The following PLEKHA4 variants were observed in gnomAD, a reference collection of about 807,000 sequenced individuals.
PLEKHA4 encodes the protein pleckstrin homology domain containing A4.
A neutral mutation model predicts 94.7 loss-of-function variants in PLEKHA4; 73 were observed. That is an observed-to-expected ratio of 0.77 (90% CI 0.64 to 0.94). The LOEUF (loss-of-function observed/expected upper bound fraction) is 0.94. PLEKHA4 is among the 40% of genes least tolerant of loss of function. The probability of loss-of-function intolerance (pLI) is 0.00; values close to 1 mark genes in which losing one functional copy is unlikely to be tolerated. For synonymous variants in PLEKHA4, 449 were observed against 437.1 expected (o/e 1.03, Z -0.34); for missense variants, 1,049 against 1,054.1 (o/e 1.00, Z 0.07).
Position 48,867,607 on chromosome 19 carries a change from C to G in PLEKHA4, c.14G>C (p.Arg5Pro), listed in dbSNP as rs369635881. ...GGCCAGGCTCAGGCTGCTGCGAGGT[C>G]GGCTCCCCTCCATCAAGGGCTGGGG... MEGS[R>P]PRSSLSLASS... Residue 5 changes from arginine (R) to proline (P), a missense_variant, in exon 2 of 20, where the codon CGA becomes CCA. Coordinates refer to ENST00000263265, the MANE Select transcript of PLEKHA4 (RefSeq NM_020904.3). The surrounding 1 kb of genome is among the most constrained non-coding windows in gnomAD (Gnocchi z 4.7). 86 of 1,596,814 alleles carry G rather than the reference C, an allele frequency of 5.4e-5. No individual in the cohort carries two copies. Among genetic ancestry groups the G allele is most frequent in the Non-Finnish European group, 7.2e-5 (84 of 1,173,836 alleles).
chr19:48,844,631 C>A (rs2035896389), intron 16 of PLEKHA4: 1 of 985,042 alleles, frequency 1.0e-6, no homozygotes, highest in Non-Finnish European at 1.2e-6. Flanking sequence ...GAAAATCAGC[C>A]AATCATTGAT....
intron 6 of PLEKHA4, chr19:48,860,099 G>A (rs2036576875): frequency 5.1e-6 from 3 of 582,768 alleles, no homozygotes; most frequent in Non-Finnish European, 9.1e-6. Context: ...CATTCCTGGA[G>A]CAGAGCTGAG....
At chr19:48,848,574 C>T (rs1265193056) in intron 13 of PLEKHA4, among the ~76,000 whole-genome samples, 1 of 151,290 alleles carries the variant, frequency 6.6e-6, no homozygotes, top group Non-Finnish European at 1.5e-5. Flanking sequence ...GGGTGGATCA[C>T]CAGAGGTCAG....
chr19:48,852,434 G>A, intron 12 of PLEKHA4, 108 bp from the exon 13 acceptor site: 1 of 810,612 alleles, frequency 1.2e-6, no homozygotes, highest in Non-Finnish European at 2.1e-6. Context: ...TTGGTCCCTG[G>A]AGCCCTGCAG....
intron 16 of PLEKHA4, among the ~76,000 whole-genome samples, chr19:48,843,715 T>G (rs1209953057): frequency 6.6e-6 from 1 of 151,788 alleles, no homozygotes; most frequent in Non-Finnish European, 1.5e-5. Context: ...TGGAGTGCAG[T>G]GGCGCAGTAT....
At chr19:48,864,493 T>C (rs2036760659) in intron 3 of PLEKHA4, among the ~76,000 whole-genome samples, 1 of 152,060 alleles carries the variant, frequency 6.6e-6, no homozygotes, top group African/African-American at 2.4e-5. Flanking sequence ...TCAGAGATAA[T>C]TTTCCCTGAC....
intron 16 of PLEKHA4, among the ~76,000 whole-genome samples, chr19:48,843,034 A>C (rs1428956069): frequency 2.0e-5 from 3 of 152,184 alleles, no homozygotes; most frequent in African/African-American, 7.2e-5. Flanking sequence ...TGTTCCCAGC[A>C]GGCTCCAATC....
rs1010432883 is a variant in PLEKHA4, at chr19:48,865,379, G to A, written c.192+124C>T. 2.0e-5 allele frequency: 13 copies of A among 638,782 alleles called. No homozygotes were observed. The African/African-American group carries it at 2.0e-4, about 10-fold the overall frequency. The allele number at this position is 638,782 out of a possible 1,614,324, so 39.6% of individuals were successfully genotyped here. On this transcript the variant is annotated intron_variant, in intron 3 of 19. Transcript: ENST00000263265. ...AATAAACAAACAAACAAACAATGAC[G>A]GACTAAGGGGAGGGGCAGTGATAGC...
At chr19:48,841,504 G>A (rs1380171602) in intron 16 of PLEKHA4, among the ~76,000 whole-genome samples, 194 bp from the exon 17 acceptor site, 2 of 152,146 alleles carry the variant, frequency 1.3e-5, no homozygotes, top group East Asian at 1.9e-4. Context: ...GCAGGCACCT[G>A]TAATCCTAAT....
intron 2 of PLEKHA4, among the ~76,000 whole-genome samples, chr19:48,866,186 C>G (rs1047544454): frequency 3.3e-5 from 5 of 151,840 alleles, no homozygotes; most frequent in African/African-American, 1.2e-4. Context: ...CTCAGGTGAT[C>G]CTCCAGCCTC....
chr19:48,855,031 T>C (rs577312883), intron 9 of PLEKHA4, among the ~76,000 whole-genome samples: 95 of 152,216 alleles, frequency 6.2e-4, no homozygotes, highest in African/African-American at 2.1e-3. Flanking sequence ...AGCTTCCTTC[T>C]AAGCATTAGC....
At chr19:48,862,145 G>A (rs2036666035) in intron 3 of PLEKHA4, among the ~76,000 whole-genome samples, 1 of 151,676 alleles carries the variant, frequency 6.6e-6, no homozygotes, top group Admixed American at 6.6e-5. Context: ...AAGGAGAGCT[G>A]GAAGCCCTCT....
At chr19:48,856,915 AAGAAAG>A (rs1229011528) in intron 9 of PLEKHA4, among the ~76,000 whole-genome samples, 7 of 124,236 alleles carry the variant, frequency 5.6e-5, no homozygotes, top group African/African-American at 2.5e-4. Flanking sequence ...AAAAAAAAAA[AAGAAAG>A]AAAGAAAGAA....
At chr19:48,848,796 CAA>C (rs34068951) in intron 13 of PLEKHA4, among the ~76,000 whole-genome samples, 29 of 107,164 alleles carry the variant, frequency 2.7e-4, no homozygotes, top group Admixed American at 3.0e-4. Context: ...GACACTGTCT[CAA>C]AAAAAAAAAA....
chr19:48,866,952 A>AG (rs2036855395), intron 2 of PLEKHA4, among the ~76,000 whole-genome samples: 1 of 152,150 alleles, frequency 6.6e-6, no homozygotes, highest in Admixed American at 6.5e-5. Flanking sequence ...AGGCATCCTT[A>AG]GCCAGGTCCC....
In PLEKHA4 at chr19:48,865,626, G is replaced by C. The variant is rs371463529; in HGVS notation, c.85-16C>G. ...GGGTGGGCTTCTGAGGAGAGAAGGGGACAGAAGTGAACAGGGAGAGCCTAG... is the reference window on the plus strand; with the variant it reads ...GGGTGGGCTTCTGAGGAGAGAAGGGCACAGAAGTGAACAGGGAGAGCCTAG... On this transcript the variant is annotated splice_polypyrimidine_tract_variant and intron_variant, in intron 2 of 19. Coordinates refer to ENST00000263265, the MANE Select transcript of PLEKHA4 (RefSeq NM_020904.3). 6.4e-7 allele frequency: 1 copy of C among 1,566,704 alleles called. No individual in the cohort carries two copies. The highest frequency in any genetic ancestry group is 1.4e-5 in the African/African-American group (1 of 73,166).
At chr19:48,860,132 G>A in intron 6 of PLEKHA4, 3 of 588,330 alleles carry the variant, frequency 5.1e-6, no homozygotes, top group Non-Finnish European at 9.1e-6. Flanking sequence ...GGGTCAGCTT[G>A]GGGGCGGGGA....
rs769694407 is a variant in PLEKHA4 at position 48,853,796 on chromosome 19, T to C, written c.1212A>G (p.Gln404=). The stretch of plus-strand genomic sequence containing the variant: ...CCTCCCTGGTGGCTTGGCCCAGCTG[T>C]TGCCGGGTCAACTCCAGAGCTGCTT... ...QLEAALELTR[Q]QLGQATREAG... is the part of the protein sequence containing the mutation. The change falls in exon 12 of 20, where the codon CAA becomes CAG. Residue 404 remains glutamine (Q), a synonymous_variant. Transcript: ENST00000263265. The C allele has an allele frequency of 1.1e-5, 17 of 1,612,786 alleles. No individual in the cohort carries two copies. The Admixed American group carries it at 1.3e-4, about 13-fold the overall frequency.
At chr19:48,844,711 C>T in intron 16 of PLEKHA4, 3 of 908,140 alleles carry the variant, frequency 3.3e-6, no homozygotes, top group Non-Finnish European at 3.9e-6. Context: ...AGCTTAAAGT[C>T]AACCAATTCC....
Sources: gnomAD v4.1 joint callset for allele counts (sites outside exome capture counted in the v4.1 genomes callset) on GRCh38, gnomAD v4.1.1 for gene constraint, Gnocchi (gnomAD v3.1) non-coding constraint, MANE v1.5 for transcripts, NCBI Gene and HGNC (gene_info 2026-07-23, HGNC 2026-07-21) for gene names.